Variants in CDH13 observed in about 807,000 individuals in gnomAD.
The protein encoded by CDH13 is cadherin 13.
Under a neutral mutation model 63.8 loss-of-function variants are expected in CDH13, and 24 were observed. The ratio of observed to expected loss-of-function variants is 0.38; its 90% CI spans 0.27 to 0.53. The LOEUF is 0.53. Among genes scored for constraint, CDH13 ranks in the 20% least tolerant of loss-of-function variants. CDH13 has a pLI of 0.85. For missense variants in CDH13, 1,049 were observed against 903.1 expected (o/e 1.16, Z -2.07); for synonymous variants, 503 against 355.3 (o/e 1.42, Z -4.67).
At chr16:82,916,723 A>G (rs778155082) in intron 2 of CDH13, among the ~76,000 whole-genome samples, 3 of 152,224 alleles carry the variant, frequency 2.0e-5, no homozygotes, top group Non-Finnish European at 2.9e-5. Flanking sequence ...ATTTTAAACA[A>G]TATTTTTATG....
At chr16:83,782,011 T>C (rs1009833406) in intron 12 of CDH13, among the ~76,000 whole-genome samples, 1 of 152,178 alleles carries the variant, frequency 6.6e-6, no homozygotes, top group Non-Finnish European at 1.5e-5. Flanking sequence ...TAATCTGCCA[T>C]CTCACTAGGT....
At chr16:83,031,595 A>C (rs927446206) in intron 2 of CDH13, among the ~76,000 whole-genome samples, 1 of 151,672 alleles carries the variant, frequency 6.6e-6, no homozygotes, top group Non-Finnish European at 1.5e-5. Context: ...CTCATCTCCT[A>C]CTTATCTTCA....
chr16:82,640,296 T>A (rs553238177), intron 1 of CDH13, among the ~76,000 whole-genome samples: 1 of 152,330 alleles, frequency 6.6e-6, no homozygotes, highest in South Asian at 2.1e-4. Flanking sequence ...TAGTAATACA[T>A]ACATGGCATT....
chr16:83,278,392 C>G (rs373114172), intron 5 of CDH13, among the ~76,000 whole-genome samples: 1 of 152,152 alleles, frequency 6.6e-6, no homozygotes, highest in Non-Finnish European at 1.5e-5. Flanking sequence ...CAAGACAACC[C>G]TCTGAAATGG....
At chr16:83,297,556 G>C (rs1166132062) in intron 5 of CDH13, among the ~76,000 whole-genome samples, 1 of 152,046 alleles carries the variant, frequency 6.6e-6, no homozygotes, top group Non-Finnish European at 1.5e-5. Context: ...AACACTTTTT[G>C]AATGCCTCTT....
chr16:82,877,909 A>G (rs966110641), intron 2 of CDH13, among the ~76,000 whole-genome samples: 6 of 139,554 alleles, frequency 4.3e-5, no homozygotes, highest in Non-Finnish European at 9.2e-5. Flanking sequence ...AGGTGGAAAT[A>G]CATACATACA....
At chr16:83,192,044 C>A (rs1405950775) in intron 4 of CDH13, among the ~76,000 whole-genome samples, 4 of 152,084 alleles carry the variant, frequency 2.6e-5, no homozygotes, top group African/African-American at 9.7e-5. Flanking sequence ...CCTGAAGGAC[C>A]AAGCCCACCA....
At chr16:83,278,183 G>C (rs2089052384) in intron 5 of CDH13, among the ~76,000 whole-genome samples, 2 of 152,072 alleles carry the variant, frequency 1.3e-5, no homozygotes, top group African/African-American at 4.8e-5. Context: ...TTAAGTAGCG[G>C]GAACCAAATC....
chr16:83,448,982 A>G (rs1299393652), intron 6 of CDH13, among the ~76,000 whole-genome samples: 10 of 152,306 alleles, frequency 6.6e-5, no homozygotes, highest in African/African-American at 2.2e-4. Flanking sequence ...AAGCAACAAT[A>G]TGCTCCTAGA....
intron 5 of CDH13, among the ~76,000 whole-genome samples, chr16:83,301,025 GTTTTTT>G (rs3052591): frequency 1.8e-3 from 139 of 78,774 alleles, no homozygotes; most frequent in Admixed American, 4.2e-3. Flanking sequence ...ACTTTCTGGG[GTTTTTT>G]TTTTTTTTTT....
chr16:83,241,242 G>T (rs555744687), intron 5 of CDH13, among the ~76,000 whole-genome samples: 5 of 152,140 alleles, frequency 3.3e-5, no homozygotes, highest in Non-Finnish European at 7.3e-5. Context: ...TCATCTATCA[G>T]TGGACATTTG....
At chr16:82,709,245 C>A (rs2031730699) in intron 1 of CDH13, among the ~76,000 whole-genome samples, 1 of 152,168 alleles carries the variant, frequency 6.6e-6, no homozygotes, top group African/African-American at 2.4e-5. Context: ...TGGACATTAT[C>A]ATCAAAAGCT....
intron 3 of CDH13, among the ~76,000 whole-genome samples, chr16:83,102,182 A>T (rs1326201994): frequency 6.6e-6 from 1 of 152,200 alleles, no homozygotes; most frequent in Non-Finnish European, 1.5e-5. Flanking sequence ...CTTCTGGTGT[A>T]CATCTTCCAG....
chr16:83,184,170 T>C (rs1214172120), intron 4 of CDH13, among the ~76,000 whole-genome samples: 1 of 141,780 alleles, frequency 7.1e-6, no homozygotes, highest in African/African-American at 2.7e-5. Flanking sequence ...GTCAGAACAA[T>C]GAATAGCTGT....
chr16:83,621,196 A>G (rs1458548987), intron 8 of CDH13, among the ~76,000 whole-genome samples: 1 of 152,098 alleles, frequency 6.6e-6, no homozygotes, highest in African/African-American at 2.4e-5. Flanking sequence ...AGGATTAGCA[A>G]TTTACCAGTC....
At chr16:83,163,370 T>C (rs1406660662) in intron 4 of CDH13, among the ~76,000 whole-genome samples, 1 of 152,070 alleles carries the variant, frequency 6.6e-6, no homozygotes, top group East Asian at 1.9e-4. Context: ...GGGATGTCCA[T>C]CTTGTGGTCA....
chr16:82,785,015 G>A (rs2035937902), intron 1 of CDH13, among the ~76,000 whole-genome samples: 1 of 152,182 alleles, frequency 6.6e-6, no homozygotes, highest in Non-Finnish European at 1.5e-5. Flanking sequence ...CTTAGCAGTA[G>A]TGGGGGCCCG....
At chr16:82,757,071 C>T (rs1179330410) in intron 1 of CDH13, among the ~76,000 whole-genome samples, 2 of 152,128 alleles carry the variant, frequency 1.3e-5, no homozygotes, top group African/African-American at 4.8e-5. Context: ...GACGCTCCTC[C>T]ATCACTCTCA....
intron 6 of CDH13, among the ~76,000 whole-genome samples, chr16:83,444,795 A>T (rs1391613626): frequency 2.5e-3 from 1 of 406 alleles, no homozygotes; most frequent in Non-Finnish European, 0.017. Flanking sequence ...TTCTGTTCGA[A>T]ATGAAAATAT....
Sources: allele counts gnomAD v4.1 joint callset (sites outside exome capture counted in the v4.1 genomes callset), GRCh38; gene constraint gnomAD v4.1.1; transcripts MANE v1.5; gene names NCBI Gene and HGNC (gene_info 2026-07-23, HGNC 2026-07-21).